EFNA5: variants seen among roughly 807,000 people sequenced by gnomAD.
EFNA5 encodes the protein ephrin A5.
EFNA5 carries 5 observed loss-of-function variants against 22.9 expected under a neutral mutation model. That is an observed-to-expected ratio of 0.22 (90% CI 0.11 to 0.46). EFNA5 has a LOEUF of 0.46. Ranked by LOEUF, EFNA5 falls within the 20% of genes least tolerant of loss-of-function variation. EFNA5 has a pLI of 0.99. For synonymous variants in EFNA5, 113 were observed against 112.2 expected (o/e 1.01, Z -0.04); for missense variants, 237 against 293.3 (o/e 0.81, Z 1.40).
chr5:107,575,248 C>T (rs1748903455), intron 1 of EFNA5, among the ~76,000 whole-genome samples: 1 of 152,120 alleles, frequency 6.6e-6, no homozygotes, highest in South Asian at 2.1e-4. Context: ...TTTAAGTAAT[C>T]AGGAAAAATA....
At chr5:107,505,128 T>C (rs535423298) in intron 1 of EFNA5, among the ~76,000 whole-genome samples, 1 of 150,356 alleles carries the variant, frequency 6.7e-6, no homozygotes, top group Admixed American at 6.7e-5. Flanking sequence ...AAAAATGCTA[T>C]GAATTTTAAG....
At chr5:107,565,373 T>C (rs61262516) in intron 1 of EFNA5, among the ~76,000 whole-genome samples, 6,100 of 152,282 alleles carry the variant, frequency 0.04, 430 homozygotes, top group African/African-American at 0.14. Context: ...TCATATTTCA[T>C]CTCTGTTTAT....
At chr5:107,495,639 C>T (rs1746956233) in intron 1 of EFNA5, among the ~76,000 whole-genome samples, 1 of 152,080 alleles carries the variant, frequency 6.6e-6, no homozygotes, top group African/African-American at 2.4e-5. Context: ...CAGGGGAACA[C>T]GAGGAAGTAT....
At chr5:107,402,992 C>T (rs1012141208) in intron 2 of EFNA5, among the ~76,000 whole-genome samples, 5 of 152,196 alleles carry the variant, frequency 3.3e-5, no homozygotes, top group Admixed American at 6.5e-5. Context: ...TTTCAATTCC[C>T]TGCAGTGTGA....
chr5:107,452,439 A>T (rs1749585804), intron 1 of EFNA5, among the ~76,000 whole-genome samples: 1 of 152,128 alleles, frequency 6.6e-6, no homozygotes, highest in South Asian at 2.1e-4. Context: ...AAATCTCTTT[A>T]TAGGCTGGGC....
intron 1 of EFNA5, among the ~76,000 whole-genome samples, chr5:107,574,558 C>A (rs1288795643): frequency 6.6e-6 from 1 of 152,022 alleles, no homozygotes; most frequent in Non-Finnish European, 1.5e-5. Context: ...GATTTTTTTC[C>A]CCCCATGGAA....
intron 1 of EFNA5, among the ~76,000 whole-genome samples, chr5:107,488,761 A>C (rs1481296362): frequency 6.6e-6 from 1 of 151,994 alleles, no homozygotes; most frequent in Non-Finnish European, 1.5e-5. Context: ...GCACGATCTC[A>C]AATCACTGCA....
chr5:107,436,122 A>C (rs1394177915), intron 1 of EFNA5, among the ~76,000 whole-genome samples: 1 of 152,250 alleles, frequency 6.6e-6, no homozygotes, highest in Non-Finnish European at 1.5e-5. Context: ...AAGTCATGTC[A>C]GTCTGAATGA....
At chr5:107,495,133 G>C (rs1167676171) in intron 1 of EFNA5, among the ~76,000 whole-genome samples, 2 of 152,164 alleles carry the variant, frequency 1.3e-5, no homozygotes, top group Non-Finnish European at 2.9e-5. Flanking sequence ...TCCACGCTGT[G>C]GAAGCTTTGT....
intron 1 of EFNA5, among the ~76,000 whole-genome samples, chr5:107,665,496 G>A (rs904929349): frequency 1.3e-5 from 2 of 152,180 alleles, no homozygotes; most frequent in South Asian, 4.1e-4. Flanking sequence ...TGAGCTGATG[G>A]TTTAGTTATT....
chr5:107,497,312 G>A (rs1370120865), intron 1 of EFNA5, among the ~76,000 whole-genome samples: 3 of 152,206 alleles, frequency 2.0e-5, no homozygotes, highest in South Asian at 2.1e-4. Flanking sequence ...AGAGGCCTGG[G>A]CAGGGAGGCT....
chr5:107,553,723 T>C (rs1468622866), intron 1 of EFNA5, among the ~76,000 whole-genome samples: 4 of 152,348 alleles, frequency 2.6e-5, no homozygotes, highest in South Asian at 4.1e-4. Flanking sequence ...ATTCACTAAA[T>C]AGATAATAGT....
intron 2 of EFNA5, among the ~76,000 whole-genome samples, chr5:107,423,037 C>G (rs1235429599): frequency 6.6e-6 from 1 of 152,144 alleles, no homozygotes; most frequent in African/African-American, 2.4e-5. Flanking sequence ...ATCTTTTACC[C>G]TAATGCTGCA....
Position 107,388,563 on chromosome 5 carries a change from C to T in EFNA5, c.419-792G>A, listed in dbSNP as rs111972145. ...TCTTCTCCTTTTCAAGATAATAAGA[C>T]TGTAAACTTTCCCTATGGTTGAAAG... On this transcript the variant is annotated intron_variant, in intron 2 of 4. Coordinates refer to ENST00000333274, the MANE Select transcript of EFNA5 (RefSeq NM_001962.3). The T allele has an allele frequency of 7.9e-5, 12 of 152,162 alleles. 1 individual carries two copies. Among genetic ancestry groups the T allele is most frequent in the African/African-American group, 2.7e-4 (11 of 41,500 alleles). 9.4% of individuals were successfully genotyped at this position (152,162 alleles called of 1,614,324 possible).
chr5:107,405,164 C>G (rs563442492), intron 2 of EFNA5, among the ~76,000 whole-genome samples: 2 of 152,220 alleles, frequency 1.3e-5, no homozygotes, highest in Non-Finnish European at 2.9e-5. Flanking sequence ...CCCAGCCTGG[C>G]CTTGCCATCT....
chr5:107,414,497 T>C (rs1456472686), intron 2 of EFNA5, among the ~76,000 whole-genome samples: 2 of 152,154 alleles, frequency 1.3e-5, no homozygotes, highest in African/African-American at 4.8e-5. Flanking sequence ...ATTGGCCCTC[T>C]AGGTAAACAT....
At chr5:107,643,844 ATTC>A (rs1406425905) in intron 1 of EFNA5, among the ~76,000 whole-genome samples, 2 of 150,602 alleles carry the variant, frequency 1.3e-5, no homozygotes, top group Middle Eastern at 3.4e-3. Flanking sequence ...ACTCTCATTA[ATTC>A]TTCTTTATAG....
chr5:107,386,535 T>G (rs1747630162), intron 4 of EFNA5, among the ~76,000 whole-genome samples: 1 of 152,020 alleles, frequency 6.6e-6, no homozygotes, highest in African/African-American at 2.4e-5. Flanking sequence ...ACATTAGGAG[T>G]GTGGAAGTCA....
intron 1 of EFNA5, among the ~76,000 whole-genome samples, chr5:107,669,223 C>T (rs1047765171): frequency 2.6e-5 from 4 of 152,086 alleles, no homozygotes; most frequent in Middle Eastern, 3.2e-3. Context: ...AGGCGCCCAC[C>T]GATACCCTCT....
Sources: gnomAD v4.1 joint callset for allele counts (sites outside exome capture counted in the v4.1 genomes callset) on GRCh38, gnomAD v4.1.1 for gene constraint, MANE v1.5 for transcripts, NCBI Gene and HGNC (gene_info 2026-07-23, HGNC 2026-07-21) for gene names.